Variants in SACM1L observed in about 807,000 individuals in gnomAD.
SACM1L encodes SAC1 like phosphatidylinositide phosphatase, also known as phosphatidylinositol-3-phosphatase SAC1.
In SACM1L, 32 loss-of-function variants were observed where a neutral mutation model predicts 89.5. The observed-to-expected ratio is 0.36, with a 90% CI of 0.27 to 0.48. The LOEUF (loss-of-function observed/expected upper bound fraction) is 0.48. Among genes scored for constraint, SACM1L ranks in the 20% least tolerant of loss-of-function variants. SACM1L has a pLI of 0.99. For synonymous variants in SACM1L, 213 were observed against 232.8 expected (o/e 0.92, Z 0.77); for missense variants, 543 against 708.5 (o/e 0.77, Z 2.65).
chr3:45,713,970 C>G (rs1445404737), intron 6 of SACM1L, 76 bp from the exon 7 acceptor site: 3 of 738,472 alleles, frequency 4.1e-6, no homozygotes, highest in Non-Finnish European at 6.4e-6. Flanking sequence ...TATTACCTCC[C>G]TATGTGTAAA....
chr3:45,705,204 T>G lies in SACM1L; in HGVS notation c.200T>G (p.Val67Gly), dbSNP rs1698360794. 6.2e-7 allele frequency: 1 copy of G among 1,604,044 alleles called. No individual in the cohort carries two copies. The highest frequency in any genetic ancestry group is 8.5e-7 in the Non-Finnish European group (1 of 1,172,098). ...IFGILGTIHL[V>G]AGNYLIVITK... ...GGTATACTGGGCACAATCCATCTGGTGGCAGGTAAGAGAAAATAAGCTAAG... is the reference window on the plus strand; with the variant it reads ...GGTATACTGGGCACAATCCATCTGGGGGCAGGTAAGAGAAAATAAGCTAAG... The change falls in exon 3 of 20, where the codon GTG becomes GGG. Residue 67 changes from valine (V) to glycine (G), a missense_variant. Coordinates refer to ENST00000389061, the MANE Select transcript of SACM1L (RefSeq NM_014016.5).
At chr3:45,706,708 A>T (rs1698404320) in intron 3 of SACM1L, 72 bp from the exon 4 acceptor site, 10 of 1,324,038 alleles carry the variant, frequency 7.6e-6, no homozygotes. Flanking sequence ...AAAGTTAAAC[A>T]ATAAGGACTC....
intron 9 of SACM1L, among the ~76,000 whole-genome samples, chr3:45,722,454 T>C (rs1698809803): frequency 6.6e-6 from 1 of 152,164 alleles, no homozygotes; most frequent in Non-Finnish European, 1.5e-5. Context: ...TGTTGCCTTA[T>C]GGAGTTGTAC....
At chr3:45,693,918 CA>C (rs1359871009) in intron 1 of SACM1L, among the ~76,000 whole-genome samples, 1 of 152,116 alleles carries the variant, frequency 6.6e-6, no homozygotes, top group Non-Finnish European at 1.5e-5. Flanking sequence ...TAATGTCAGA[CA>C]GTGATAAATT....
chr3:45,715,215 T>G (rs549674014), intron 7 of SACM1L, among the ~76,000 whole-genome samples: 6 of 152,186 alleles, frequency 3.9e-5, no homozygotes, highest in Admixed American at 2.6e-4. Context: ...ATCAGGATTG[T>G]GCCCTGAAGA....
intron 8 of SACM1L, among the ~76,000 whole-genome samples, chr3:45,721,259 C>T (rs531234726): frequency 2.0e-5 from 3 of 152,356 alleles, no homozygotes; most frequent in East Asian, 1.9e-4. Context: ...CGGTGGCTCA[C>T]GCCTATAATC....
intron 1 of SACM1L, among the ~76,000 whole-genome samples, chr3:45,701,857 C>T (rs34937296): frequency 0.12 from 18,061 of 152,122 alleles, 1,081 homozygotes; most frequent in East Asian, 0.14. Context: ...GAGAAGTGAA[C>T]ATCTGCCTTA....
At position 45,743,592 on chromosome 3, in the gene SACM1L, A is replaced by G. The variant is rs761927147; in HGVS notation, c.1687A>G (p.Thr563Ala). The G allele has an allele frequency of 3.1e-6, 5 of 1,614,164 alleles. No individual in the cohort carries two copies. The highest frequency in any genetic ancestry group is 1.3e-5 in the African/African-American group (1 of 75,054). The part of the protein sequence containing the change: ...VLFWGVASIG[T>A]FFIILYNGKD... ...CTTCTGGGGAGTTGCAAGCATTGGA[A>G]CATTTTTTATCATTCTTTACAATGG... Residue 563 changes from threonine to alanine, a missense_variant, in exon 20 of 20, where the codon ACA becomes GCA. Thr to Ala is a moderately conservative substitution (Grantham distance 58). Around this residue, in one of 2 missense-constraint regions of SACM1L, gnomAD observed 370 missense variants for 527.6 expected, o/e 0.70. Coordinates refer to ENST00000389061, the MANE Select transcript of SACM1L (RefSeq NM_014016.5).
At position 45,705,117 on chromosome 3, in the gene SACM1L, C is replaced by T; in HGVS notation, c.131-18C>T. 6.4e-7 allele frequency: 1 copy of T among 1,560,764 alleles called. No individual in the cohort carries two copies. The highest frequency in any genetic ancestry group is 8.8e-7 in the Non-Finnish European group (1 of 1,142,796). On this transcript the variant is annotated intron_variant, in intron 2 of 19. Transcript: ENST00000389061. ...AGCTTTTTGTATGTGATTTTTCTTT[C>T]TTTCCTTTCTTTTAAAGTCAAGAAA...
At position 45,744,548 on chromosome 3, in the gene SACM1L, A is replaced by G. The variant is rs376525966; in HGVS notation, c.*879A>G. The G allele has an allele frequency of 4.6e-5, 7 of 152,698 alleles. No individual in the cohort carries two copies. Among genetic ancestry groups the G allele is most frequent in the East Asian group, 1.9e-4 (1 of 5,186 alleles). The allele number at this position is 152,698 out of a possible 1,614,324, so 9.5% of individuals were successfully genotyped here. Reference sequence around the variant, plus strand: ...CTGAGAGGGTCTTGTTCTAGATTTCATATTGCACTTGGAGGGTAACAGCTG... The same window carrying G: ...CTGAGAGGGTCTTGTTCTAGATTTCGTATTGCACTTGGAGGGTAACAGCTG... On this transcript the variant is annotated 3_prime_UTR_variant, in exon 20 of 20. Transcript: ENST00000389061.
At chr3:45,731,793 T>C (rs574628888) in intron 12 of SACM1L, among the ~76,000 whole-genome samples, 17 of 152,308 alleles carry the variant, frequency 1.1e-4, no homozygotes, top group African/African-American at 3.6e-4. Context: ...TGAGGATAGA[T>C]ATATATGCAT....
intron 10 of SACM1L, 119 bp from the exon 11 acceptor site, chr3:45,723,356 C>T (rs1698833414): frequency 2.8e-6 from 1 of 362,184 alleles, no homozygotes; most frequent in African/African-American, 2.1e-5. Context: ...TGACATCTTT[C>T]TTTTGAATAT....
chr3:45,740,282 C>T (rs975874398), intron 19 of SACM1L, among the ~76,000 whole-genome samples: 1 of 151,880 alleles, frequency 6.6e-6, no homozygotes, highest in African/African-American at 2.4e-5. Context: ...TTGGGGTGGG[C>T]GGAGGGATGA....
chr3:45,700,194 C>G (rs549887902), intron 1 of SACM1L, among the ~76,000 whole-genome samples: 4 of 152,082 alleles, frequency 2.6e-5, no homozygotes, highest in Admixed American at 6.5e-5. Flanking sequence ...TGGAGGAATT[C>G]GATTTCTGAG....
At chr3:45,740,942 CT>C (rs1435486710) in intron 19 of SACM1L, among the ~76,000 whole-genome samples, 1 of 152,132 alleles carries the variant, frequency 6.6e-6, no homozygotes, top group Non-Finnish European at 1.5e-5. Flanking sequence ...GAGACAAGGT[CT>C]TTACTGGTTT....
chr3:45,723,931 T>C (rs1301481549), intron 11 of SACM1L, among the ~76,000 whole-genome samples: 1 of 148,556 alleles, frequency 6.7e-6, no homozygotes, highest in Non-Finnish European at 1.5e-5. Flanking sequence ...TATTCCATTG[T>C]GTATGTGTAT....
intron 3 of SACM1L, among the ~76,000 whole-genome samples, chr3:45,705,646 G>C (rs1317028299): frequency 6.6e-6 from 1 of 151,938 alleles, no homozygotes; most frequent in Non-Finnish European, 1.5e-5. Context: ...GGGATTACAG[G>C]TGCCTGCCAC....
chr3:45,693,027 A>C (rs1193903525), intron 1 of SACM1L, among the ~76,000 whole-genome samples: 1 of 152,246 alleles, frequency 6.6e-6, no homozygotes, highest in Non-Finnish European at 1.5e-5. Context: ...GGTACAGCCT[A>C]CTACACACCT....
chr3:45,722,134 T>C (rs1263414867), intron 9 of SACM1L, 49 bp downstream of exon 9: 1 of 1,094,160 alleles, frequency 9.1e-7, no homozygotes, highest in African/African-American at 1.6e-5. Context: ...CTTTTCTGCT[T>C]GGATTATAAT....
Sources: allele counts gnomAD v4.1 joint callset (sites outside exome capture counted in the v4.1 genomes callset), GRCh38; gene constraint gnomAD v4.1.1; regional missense constraint gnomAD v4.1.1; transcripts MANE v1.5; gene names NCBI Gene and HGNC (gene_info 2026-07-23, HGNC 2026-07-21).